PTCH1: variants seen among roughly 807,000 people sequenced by gnomAD.
PTCH1 encodes the protein patched 1.
Under a neutral mutation model 144.6 loss-of-function variants are expected in PTCH1, and 14 were observed. The ratio of observed to expected loss-of-function variants is 0.10; its 90% CI spans 0.06 to 0.15. The LOEUF is 0.15. Ranked by LOEUF, PTCH1 falls within the 10% of genes least tolerant of loss-of-function variation. The pLI is 1.00. For missense variants in PTCH1, 1,623 were observed against 1,948.3 expected (o/e 0.83, Z 3.14); for synonymous variants, 833 against 793.6 (o/e 1.05, Z -0.83).
At chr9:95,511,834 A>G (rs1388819283), upstream of PTCH1, among the ~76,000 whole-genome samples, 3 of 152,202 alleles carry the variant, frequency 2.0e-5, no homozygotes, top group African/African-American at 7.2e-5. Context: ...TGCTTTTTAA[A>G]AACTGGGGGA....
intron 1 of PTCH1, among the ~76,000 whole-genome samples, chr9:95,516,180 G>A (rs1038066435): frequency 1.3e-5 from 2 of 150,368 alleles, no homozygotes; most frequent in African/African-American, 4.8e-5. Context: ...CTCAGCCGGG[G>A]CCCGCCGCGG....
rs1840303330 is a variant in PTCH1, at chr9:95,469,000, C to A, written c.2001G>T (p.Glu667Asp). ...TMQSTVQLRT[E>D]YDPHTHVYYT... ...AGTACACGTGCGTGTGGGGGTCGTA[C>A]TCCGTGCGGAGCTGGACAGTGGACT... Residue 667 changes from glutamate to aspartate, a missense_variant, in exon 14 of 24, where the codon GAG (glutamate) becomes GAT (aspartate). Transcript: ENST00000331920. 1.2e-6 allele frequency: 2 copies of A among 1,614,032 alleles called. No homozygotes were observed. The highest frequency in any genetic ancestry group is 8.5e-7 in the Non-Finnish European group (1 of 1,180,028).
chr9:95,506,774 G>T, intron 1 of PTCH1, 175 bp from the exon 2 acceptor site: 1 of 1,065,738 alleles, frequency 9.4e-7, no homozygotes, highest in Non-Finnish European at 1.2e-6. Flanking sequence ...GTCATGGGGG[G>T]CTCGGTCATA....
intron 2 of PTCH1, among the ~76,000 whole-genome samples, chr9:95,503,623 G>C (rs1023549241): frequency 6.6e-6 from 1 of 152,196 alleles, no homozygotes; most frequent in Non-Finnish European, 1.5e-5. Flanking sequence ...GTCATTAGTA[G>C]GCAAAGTAGA....
intron 2 of PTCH1, among the ~76,000 whole-genome samples, chr9:95,503,713 T>C (rs1404933187): frequency 6.6e-6 from 1 of 150,446 alleles, no homozygotes; most frequent in Non-Finnish European, 1.5e-5. Context: ...ACATCCACTA[T>C]CATGTTATAA....
chr9:95,491,380 G>A (rs892793472), intron 2 of PTCH1, among the ~76,000 whole-genome samples: 10 of 152,284 alleles, frequency 6.6e-5, no homozygotes, highest in African/African-American at 1.9e-4. Flanking sequence ...TGGTTGCTGA[G>A]GATAACAGGG....
chr9:95,479,821 T>C, intron 7 of PTCH1, 148 bp downstream of exon 7: 1 of 1,318,056 alleles, frequency 7.6e-7, no homozygotes, highest in Admixed American at 1.8e-5. Context: ...TCTGCTACTA[T>C]TTCTTAATAT....
chr9:95,473,541 TA>T (rs539078574), intron 12 of PTCH1, among the ~76,000 whole-genome samples: 159 of 139,374 alleles, frequency 1.1e-3, no homozygotes, highest in African/African-American at 3.9e-3. Flanking sequence ...TTTTCTATCC[TA>T]TTTTTTTTTT....
At chr9:95,491,606 G>A (rs1842415166) in intron 2 of PTCH1, among the ~76,000 whole-genome samples, 1 of 152,186 alleles carries the variant, frequency 6.6e-6, no homozygotes, top group African/African-American at 2.4e-5. Context: ...ATTAGTAAGA[G>A]GCAGAACTGA....
At position 95,447,313 on chromosome 9, in the gene PTCH1, G is replaced by C. The variant is rs746022197; in HGVS notation, c.3943C>G (p.Pro1315Ala). 1 of 1,613,168 alleles carries C rather than the reference G, an allele frequency of 6.2e-7. No individual in the cohort carries two copies. Among genetic ancestry groups the C allele is most frequent in the Admixed American group, 1.7e-5 (1 of 60,016 alleles). ...DPPREGLWPPPYRPRRDAFEI... is the reference protein window; with the variant it reads ...DPPREGLWPPAYRPRRDAFEI... ...AAAGCGTCTCTGCGCGGTCTGTAGG[G>C]GGGTGGCCACAAGCCTTCTCTGGGG... is the stretch of plus-strand genomic sequence containing the variant. Residue 1315 changes from proline to alanine, a missense_variant, in exon 23 of 24, where the codon CCC becomes GCC. Around this residue, in one of 7 missense-constraint regions of PTCH1, gnomAD observed 291 missense variants for 287.4 expected, o/e 1.01. Transcript: ENST00000331920.
In PTCH1 at chr9:95,449,742, A is replaced by G. The variant is rs1838286904; in HGVS notation, c.3549+99T>C. On this transcript the variant is annotated intron_variant, in intron 21 of 23. Transcript: ENST00000331920. The surrounding 1 kb of genome is among the most constrained non-coding windows in gnomAD (Gnocchi z 5.3). ...CTGAGATGTTTACTGAAGAACCACC[A>G]GCAAGTGGGGAGGCACCTAAGTATC... 1 of 1,111,296 alleles carries G rather than the reference A, an allele frequency of 9.0e-7. No individual in the cohort carries two copies. The highest frequency in any genetic ancestry group is 2.5e-5 in the East Asian group (1 of 39,792). The allele number at this position is 1,111,296 out of a possible 1,614,324, so 68.8% of individuals were successfully genotyped here.
chr9:95,481,671 A>G (rs1247483608), intron 5 of PTCH1, among the ~76,000 whole-genome samples: 2 of 152,262 alleles, frequency 1.3e-5, no homozygotes, highest in East Asian at 3.8e-4. Flanking sequence ...TTAAAAAATC[A>G]CACGTACTCT....
intron 15 of PTCH1, among the ~76,000 whole-genome samples, chr9:95,462,352 G>A (rs1839563651): frequency 6.6e-6 from 1 of 152,194 alleles, no homozygotes; most frequent in South Asian, 2.1e-4. Context: ...ACCGTTTCGT[G>A]CCACTCGGGG....
intron 12 of PTCH1, among the ~76,000 whole-genome samples, chr9:95,470,886 C>A (rs757156197): frequency 6.6e-6 from 1 of 152,102 alleles, no homozygotes; most frequent in Non-Finnish European, 1.5e-5. Flanking sequence ...TCAAGACTAT[C>A]CTGGCTAACA....
At chr9:95,479,232 A>G in intron 7 of PTCH1, 85 bp from the exon 8 acceptor site, 2 of 1,541,316 alleles carry the variant, frequency 1.3e-6, no homozygotes, top group Non-Finnish European at 1.8e-6. Flanking sequence ...CAGCTCCCCC[A>G]ACTCACTGGC....
At chr9:95,510,964 C>T (rs1244639059), upstream of PTCH1, among the ~76,000 whole-genome samples, 1 of 150,250 alleles carries the variant, frequency 6.7e-6, no homozygotes, top group Non-Finnish European at 1.5e-5. Context: ...TCCCGAGAGC[C>T]CAGGCGAGGC....
chr9:95,510,619 ATTTT>A (rs958635030), upstream of PTCH1, among the ~76,000 whole-genome samples: 1 of 146,154 alleles, frequency 6.8e-6, no homozygotes, highest in Non-Finnish European at 1.5e-5. Flanking sequence ...GCTTCACTTT[ATTTT>A]TTTTTTTAAA....
At chr9:95,447,521 T>C (rs560488147) in intron 22 of PTCH1, 70 bp from the exon 23 acceptor site, 4 of 1,442,108 alleles carry the variant, frequency 2.8e-6, no homozygotes, top group Non-Finnish European at 3.7e-6. Flanking sequence ...GCTCCCACAC[T>C]TCCCTCCTTG....
chr9:95,510,891 G>A (rs1336400456), upstream of PTCH1, among the ~76,000 whole-genome samples: 1 of 150,814 alleles, frequency 6.6e-6, no homozygotes, highest in Non-Finnish European at 1.5e-5. Flanking sequence ...GCGCCCGCGC[G>A]GCCGGGGCAG....
Sources: gnomAD v4.1 joint callset for allele counts (sites outside exome capture counted in the v4.1 genomes callset) on GRCh38, gnomAD v4.1.1 for gene constraint, gnomAD v4.1.1 regional missense constraint, Gnocchi (gnomAD v3.1) non-coding constraint, MANE v1.5 for transcripts, NCBI Gene and HGNC (gene_info 2026-07-23, HGNC 2026-07-21) for gene names.